RAP1A: variants seen among roughly 807,000 people sequenced by gnomAD.
The protein encoded by RAP1A is RAP1A, member of RAS oncogene family.
In RAP1A, 6 loss-of-function variants were observed where a neutral mutation model predicts 26.4. The observed-to-expected ratio is 0.23, with a 90% CI of 0.12 to 0.45. The LOEUF (loss-of-function observed/expected upper bound fraction) is 0.45, where lower values mean the gene tolerates loss of function less well. RAP1A is among the 20% of genes least tolerant of loss of function. RAP1A has a pLI of 0.99. For synonymous variants in RAP1A, 73 were observed against 79.4 expected (o/e 0.92, Z 0.43); for missense variants, 121 against 217.2 (o/e 0.56, Z 2.78).
chr1:111,564,080 CAT>C, intron 1 of RAP1A: 1 of 657,878 alleles, frequency 1.5e-6, no homozygotes, highest in Non-Finnish European at 2.7e-6. Context: ...TGGACATACT[CAT>C]AAAGCCTTAA....
At chr1:111,574,315 T>G (rs1658106247) in intron 1 of RAP1A, among the ~76,000 whole-genome samples, 1 of 152,208 alleles carries the variant, frequency 6.6e-6, no homozygotes, top group Admixed American at 6.5e-5. Context: ...CATTGGTCCA[T>G]GTGTCTGTTT....
chr1:111,672,727 A>G (rs1661013271), intron 1 of RAP1A, among the ~76,000 whole-genome samples: 1 of 152,228 alleles, frequency 6.6e-6, no homozygotes. Context: ...GATTTTGTTC[A>G]TTGCTAACCC....
chr1:111,596,257 G>C (rs1186789788), intron 1 of RAP1A, among the ~76,000 whole-genome samples: 2 of 152,120 alleles, frequency 1.3e-5, no homozygotes, highest in African/African-American at 4.8e-5. Context: ...ACTGGGTCCA[G>C]CCAGGTCAAC....
rs191395282 is a variant in RAP1A at position 111,690,512 on chromosome 1, C to T, written c.-27-822C>T. On this transcript the variant is annotated intron_variant, in intron 1 of 7. Coordinates refer to ENST00000369709, the MANE Select transcript of RAP1A (RefSeq NM_002884.4). The stretch of plus-strand genomic sequence containing the variant: ...TGAAAAATGCCTCTAGGCAGAAAGC[C>T]AGGGCAGTGTTAGGTCTCACTTCAT... Among the ~76,000 whole-genome samples the T allele has an allele frequency of 1.9e-3, 294 of 152,326 alleles. 1 individual carries two copies. The highest frequency in any genetic ancestry group is 7.0e-3 in the African/African-American group (289 of 41,568).
At chr1:111,651,495 TAGAC>T (rs1660268018) in intron 1 of RAP1A, among the ~76,000 whole-genome samples, 1 of 146,448 alleles carries the variant, frequency 6.8e-6, no homozygotes, top group Non-Finnish European at 1.5e-5. Context: ...TTTTTTTTTT[TAGAC>T]AGAGTCTCGC....
intron 1 of RAP1A, among the ~76,000 whole-genome samples, chr1:111,668,836 G>T (rs374775022): frequency 2.0e-5 from 3 of 151,866 alleles, no homozygotes; most frequent in African/African-American, 7.3e-5. Flanking sequence ...CGAGACCAAT[G>T]TGGGCAACAT....
rs1661876664 is a variant in RAP1A at position 111,697,627 on chromosome 1, T to C, written c.183+130T>C. The C allele has an allele frequency of 1.4e-5, 21 of 1,471,876 alleles. No homozygotes were observed. In the South Asian group the frequency reaches 2.8e-4, roughly 20 times the overall value. The allele number at this position is 1,471,876 out of a possible 1,614,324, so 91.2% of individuals were successfully genotyped here. A position where few individuals can be genotyped will look rare whatever the true frequency, so the allele number is the denominator to read the frequency against. On this transcript the variant is annotated intron_variant, in intron 4 of 7. Transcript: ENST00000369709. The stretch of plus-strand genomic sequence containing the variant: ...TGATTAAGAAGAAATTCTCTGAACA[T>C]AGGGATTCTTAAGTATATGAAATCA...
At chr1:111,664,487 A>G (rs1472816068) in intron 1 of RAP1A, among the ~76,000 whole-genome samples, 1 of 150,900 alleles carries the variant, frequency 6.6e-6, no homozygotes, top group Admixed American at 6.6e-5. Flanking sequence ...TTTTTTAAAT[A>G]TAAGTTTTCT....
intron 1 of RAP1A, among the ~76,000 whole-genome samples, chr1:111,681,606 TG>T (rs1268347356): frequency 6.6e-6 from 1 of 152,132 alleles, no homozygotes; most frequent in Non-Finnish European, 1.5e-5. Context: ...TATCAGAGAT[TG>T]AAGATCAACT....
At position 111,565,206 on chromosome 1, in the gene RAP1A, A is replaced by C. The variant is rs146026115; in HGVS notation, c.-28+22697A>C. Among the ~76,000 whole-genome samples, 1,127 of 152,260 alleles carry C rather than the reference A, an allele frequency of 7.4e-3. 13 individuals carry two copies. The highest frequency in any genetic ancestry group is 0.025 in the African/African-American group (1,056 of 41,554). ...AGGCCAGTGTGGCTGGAGCAGAATGAACAAAGGGGGGGAGTGTGGTAGAAG... is the reference window on the plus strand; with the variant it reads ...AGGCCAGTGTGGCTGGAGCAGAATGCACAAAGGGGGGGAGTGTGGTAGAAG... On this transcript the variant is annotated intron_variant, in intron 1 of 7. Transcript: ENST00000356415.
chr1:111,567,122 C>T (rs538528715), intron 1 of RAP1A, among the ~76,000 whole-genome samples: 1 of 151,970 alleles, frequency 6.6e-6, no homozygotes, highest in African/African-American at 2.4e-5. Flanking sequence ...GACATAGGCC[C>T]CGCCCTCAAG....
chr1:111,607,599 G>A (rs1658814001), intron 1 of RAP1A, among the ~76,000 whole-genome samples: 1 of 150,264 alleles, frequency 6.7e-6, no homozygotes, highest in Non-Finnish European at 1.5e-5. Context: ...CTGGGCAGAG[G>A]CGCCCCTCAC....
intron 6 of RAP1A, among the ~76,000 whole-genome samples, chr1:111,708,797 A>G (rs1662280960): frequency 6.6e-6 from 1 of 152,178 alleles, no homozygotes; most frequent in African/African-American, 2.4e-5. Flanking sequence ...ATGTGTAGTA[A>G]AAGTGGCAAA....
chr1:111,687,184 ATACT>A (rs34058128), intron 1 of RAP1A, among the ~76,000 whole-genome samples: 8,636 of 144,766 alleles, frequency 0.06, 579 homozygotes, highest in African/African-American at 0.17. Context: ...TGCATTTTTC[ATACT>A]TTCTTTTTGA....
chr1:111,611,670 G>C (rs764618600), intron 1 of RAP1A, among the ~76,000 whole-genome samples: 4 of 143,886 alleles, frequency 2.8e-5, no homozygotes, highest in Non-Finnish European at 6.1e-5. Context: ...CTGAAGCTCA[G>C]AACGGTTAAA....
intron 1 of RAP1A, among the ~76,000 whole-genome samples, chr1:111,546,022 G>T (rs926398951): frequency 2.0e-5 from 3 of 152,100 alleles, no homozygotes; most frequent in Non-Finnish European, 2.9e-5. Context: ...GAATACTGTA[G>T]CTTTGTAGTT....
intron 1 of RAP1A, among the ~76,000 whole-genome samples, chr1:111,594,332 TA>T (rs1045376653): frequency 7.6e-4 from 116 of 152,160 alleles, no homozygotes; most frequent in African/African-American, 2.7e-3. Flanking sequence ...ATAAAAGAAT[TA>T]GCAGGTTGTG....
At chr1:111,646,895 CT>C (rs1211951268) in intron 1 of RAP1A, among the ~76,000 whole-genome samples, 3 of 152,156 alleles carry the variant, frequency 2.0e-5, no homozygotes, top group Non-Finnish European at 4.4e-5. Flanking sequence ...TAATGCTTGG[CT>C]TTTTCCAAGT....
chr1:111,689,170 A>C (rs538361303), intron 1 of RAP1A, among the ~76,000 whole-genome samples: 20 of 152,082 alleles, frequency 1.3e-4, no homozygotes, highest in African/African-American at 4.1e-4. Context: ...CGAAAATGTC[A>C]TTATTTCTTC....
Sources: allele counts gnomAD v4.1 joint callset (sites outside exome capture counted in the v4.1 genomes callset), GRCh38; gene constraint gnomAD v4.1.1; transcripts MANE v1.5; gene names NCBI Gene and HGNC (gene_info 2026-07-23, HGNC 2026-07-21).